The following SCRN1 variants were observed in gnomAD, a reference collection of about 807,000 sequenced individuals.
SCRN1 encodes the protein secernin 1.
Under a neutral mutation model 43.3 loss-of-function variants are expected in SCRN1, and 19 were observed. That is an observed-to-expected ratio of 0.44 (90% CI 0.31 to 0.64). The LOEUF (loss-of-function observed/expected upper bound fraction) is 0.64. Among genes scored for constraint, SCRN1 ranks in the 30% least tolerant of loss-of-function variants. The pLI is 0.09. For synonymous variants in SCRN1, 183 were observed against 188.9 expected, an observed-to-expected ratio of 0.97 and a Z score of 0.26; for missense variants, 447 against 524.1, an observed-to-expected ratio of 0.85 and a Z score of 1.44.
chr7:29,969,256 C>G, intron 1 of SCRN1, 188 bp from the exon 2 acceptor site: 1 of 627,508 alleles, frequency 1.6e-6, no homozygotes. Context: ...GCCACCGAGA[C>G]CAGATATTGT....
At chr7:29,966,565 G>A (rs896947046) in intron 2 of SCRN1, among the ~76,000 whole-genome samples, 2 of 152,230 alleles carry the variant, frequency 1.3e-5, no homozygotes, top group Non-Finnish European at 2.9e-5. Flanking sequence ...TCCAGGAAAA[G>A]AGAGAAACAT....
intron 1 of SCRN1, among the ~76,000 whole-genome samples, chr7:29,984,656 C>T (rs558137868): frequency 1.3e-5 from 2 of 151,820 alleles, no homozygotes; most frequent in African/African-American, 4.8e-5. Flanking sequence ...AAGGGCCAGG[C>T]GTGGTGGCTC....
rs377289232 is a variant in SCRN1, at chr7:29,924,039, G to T, written c.1163C>A (p.Thr388Asn). 1.9e-6 allele frequency: 3 copies of T among 1,614,100 alleles called. No homozygotes were observed. The African/African-American group carries it at 4.0e-5, about 22-fold the overall frequency. Residue 388 changes from threonine (T) to asparagine (N), a missense_variant, in exon 8 of 8, where the codon ACC (threonine) becomes AAC (asparagine). Physicochemically the swap from Thr to Asn is moderately conservative, Grantham distance 65 (BLOSUM62 0). Transcript: ENST00000242059. ...CGCAGGGTCCAGTGGCTCGGAGCTG[G>T]TCAGGATTTCTTCCATGGCTTCCAG... Reference protein sequence around the residue: ...QGLEAMEEILTSSEPLDPAEV... With the variant: ...QGLEAMEEILNSSEPLDPAEV...
At chr7:29,941,994 C>A (rs1460063699) in intron 4 of SCRN1, among the ~76,000 whole-genome samples, 2 of 152,340 alleles carry the variant, frequency 1.3e-5, no homozygotes, top group Admixed American at 1.3e-4. Context: ...GGACTAAGTT[C>A]TTTCAGTATG....
At chr7:29,931,359 G>A (rs1199676111) in intron 6 of SCRN1, among the ~76,000 whole-genome samples, 1 of 152,172 alleles carries the variant, frequency 6.6e-6, no homozygotes, top group Non-Finnish European at 1.5e-5. Flanking sequence ...TGCTGTTCTA[G>A]GTACTAGGGA....
chr7:29,930,888 C>G (rs1469815911), intron 6 of SCRN1, among the ~76,000 whole-genome samples: 1 of 152,234 alleles, frequency 6.6e-6, no homozygotes, highest in East Asian at 1.9e-4. Flanking sequence ...TTAAAGGGAC[C>G]TTGTGAGGGA....
chr7:29,979,879 G>A (rs1366088024), intron 1 of SCRN1, among the ~76,000 whole-genome samples: 7 of 152,112 alleles, frequency 4.6e-5, no homozygotes, highest in Non-Finnish European at 1.0e-4. Flanking sequence ...TAAGAAAGAC[G>A]TTTTCCTATA....
intron 2 of SCRN1, among the ~76,000 whole-genome samples, chr7:29,958,847 C>T (rs536118458): frequency 6.6e-6 from 1 of 152,316 alleles, no homozygotes; most frequent in East Asian, 1.9e-4. Flanking sequence ...TGTGGGCAAG[C>T]ATTCTTCTAA....
intron 4 of SCRN1, 108 bp from the exon 5 acceptor site, chr7:29,940,984 A>G: frequency 1.1e-6 from 1 of 902,700 alleles, no homozygotes; most frequent in East Asian, 3.1e-5. Flanking sequence ...CTTTAACTAC[A>G]GGGAGGAATC....
Position 29,926,529 on chromosome 7 carries a change from A to G in SCRN1, c.1009T>C (p.Phe337Leu). Residue 337 changes from phenylalanine to leucine, a missense_variant, in exon 7 of 8, where the codon TTC becomes CTC. Transcript: ENST00000242059. Reference sequence around the variant, plus strand: ...TGCCGGCGGTCTGGTTTCTCCTGGAACCGAGGCTCCTTTTTGGCAGGGTCG... The same window carrying G: ...TGCCGGCGGTCTGGTTTCTCCTGGAGCCGAGGCTCCTTTTTGGCAGGGTCG... ...DDDPAKKEPR[F>L]QEKPDRRHEL... The G allele has an allele frequency of 6.2e-7, 1 of 1,614,122 alleles. No individual in the cohort carries two copies. The highest frequency in any genetic ancestry group is 8.5e-7 in the Non-Finnish European group (1 of 1,180,038).
intron 3 of SCRN1, among the ~76,000 whole-genome samples, chr7:29,951,998 T>C (rs775971496): frequency 2.6e-5 from 4 of 152,180 alleles, no homozygotes; most frequent in Admixed American, 6.5e-5. Context: ...CCTGCTCTCA[T>C]AGAAGCTGTC....
intron 7 of SCRN1, among the ~76,000 whole-genome samples, chr7:29,924,766 G>T (rs1035349108): frequency 1.3e-5 from 2 of 151,904 alleles, no homozygotes; most frequent in Admixed American, 1.3e-4. Flanking sequence ...TCTCTCCCCT[G>T]TTCACTCTTT....
At chr7:29,924,276 C>T (rs1186530913) in intron 7 of SCRN1, among the ~76,000 whole-genome samples, 161 bp from the exon 8 acceptor site, 1 of 152,192 alleles carries the variant, frequency 6.6e-6, no homozygotes. Context: ...TCTAGAATGC[C>T]AGTATGATTA....
chr7:29,946,385 T>G (rs548000974), intron 3 of SCRN1, among the ~76,000 whole-genome samples: 63 of 152,222 alleles, frequency 4.1e-4, no homozygotes, highest in Non-Finnish European at 8.2e-4. Flanking sequence ...CACAGGTCCC[T>G]GGTAGCCCCC....
chr7:29,926,058 G>C (rs1233880672), intron 7 of SCRN1, among the ~76,000 whole-genome samples: 1 of 152,086 alleles, frequency 6.6e-6, no homozygotes, highest in African/African-American at 2.4e-5. Context: ...ACATATGATT[G>C]TATCTTTAAT....
chr7:29,953,568 T>A (rs1788028829), intron 3 of SCRN1, among the ~76,000 whole-genome samples: 1 of 152,186 alleles, frequency 6.6e-6, no homozygotes, highest in African/African-American at 2.4e-5. Context: ...TCTATACATT[T>A]CATTTTGCTA....
intron 5 of SCRN1, among the ~76,000 whole-genome samples, chr7:29,938,495 A>T (rs1175262134): frequency 6.6e-6 from 1 of 152,236 alleles, no homozygotes; most frequent in Non-Finnish European, 1.5e-5. Context: ...CAGCACTGTG[A>T]CATGTTCATG....
At chr7:29,969,396 T>C (rs1583689660) in intron 1 of SCRN1, 2 of 357,502 alleles carry the variant, frequency 5.6e-6, no homozygotes, top group Non-Finnish European at 1.1e-5. Flanking sequence ...ACACCACACA[T>C]ACACACACTG....
intron 1 of SCRN1, among the ~76,000 whole-genome samples, chr7:29,980,974 G>C (rs573337205): frequency 1.3e-5 from 2 of 152,278 alleles, no homozygotes; most frequent in African/African-American, 2.4e-5. Context: ...TGGGAGTTGA[G>C]AGTGCGAGTA....
Sources: allele counts gnomAD v4.1 joint callset (sites outside exome capture counted in the v4.1 genomes callset), GRCh38; gene constraint gnomAD v4.1.1; transcripts MANE v1.5; gene names NCBI Gene and HGNC (gene_info 2026-07-23, HGNC 2026-07-21).